Variants in RBFOX1 observed in about 807,000 individuals in gnomAD.
RBFOX1 encodes the protein RNA binding fox-1 homolog 1.
In RBFOX1, 8 loss-of-function variants were observed where a neutral mutation model predicts 57.7. The observed-to-expected ratio is 0.14, with a 90% confidence interval of 0.08 to 0.25. The LOEUF (loss-of-function observed/expected upper bound fraction) is 0.25. Among genes scored for constraint, RBFOX1 ranks in the 10% least tolerant of loss-of-function variants. The pLI is 1.00. For missense variants in RBFOX1, 611 were observed against 548.5 expected (o/e 1.11, Z -1.14); for synonymous variants, 326 against 222.4 (o/e 1.47, Z -4.15).
chr16:7,419,829 G>T (rs1411230699), intron 4 of RBFOX1, among the ~76,000 whole-genome samples: 1 of 151,792 alleles, frequency 6.6e-6, no homozygotes, highest in African/African-American at 2.4e-5. Context: ...GATGCCTAAT[G>T]GAGGCATGTC....
At chr16:7,139,069 G>T (rs1352256271) in intron 4 of RBFOX1, among the ~76,000 whole-genome samples, 2 of 152,116 alleles carry the variant, frequency 1.3e-5, no homozygotes, top group Non-Finnish European at 2.9e-5. Context: ...CTCCCAAAGT[G>T]CTGGGATTAC....
At chr16:7,459,511 C>T (rs373544510) in intron 4 of RBFOX1, among the ~76,000 whole-genome samples, 10 of 152,166 alleles carry the variant, frequency 6.6e-5, no homozygotes, top group African/African-American at 2.4e-4. Context: ...TTTCCTGTTG[C>T]CAGATTAAAG....
chr16:7,508,738 C>G (rs192414772), intron 4 of RBFOX1, among the ~76,000 whole-genome samples: 1 of 152,098 alleles, frequency 6.6e-6, no homozygotes, highest in East Asian at 1.9e-4. Context: ...GCAAAACAGA[C>G]AAGCAGAAAG....
At chr16:5,829,015 A>G (rs2056172609) in intron 3 of RBFOX1, among the ~76,000 whole-genome samples, 1 of 152,140 alleles carries the variant, frequency 6.6e-6, no homozygotes, top group African/African-American at 2.4e-5. Context: ...GGCTGCAGAT[A>G]TCCGAAGACC....
At chr16:6,252,433 A>G (rs1400309088) in intron 1 of RBFOX1, among the ~76,000 whole-genome samples, 1 of 152,194 alleles carries the variant, frequency 6.6e-6, no homozygotes, top group Non-Finnish European at 1.5e-5. Context: ...GCATCTTCCA[A>G]GTTGTTCTTA....
At chr16:7,285,337 C>A (rs750097807) in intron 4 of RBFOX1, among the ~76,000 whole-genome samples, 77 of 151,602 alleles carry the variant, frequency 5.1e-4, no homozygotes, top group Non-Finnish European at 9.3e-4. Context: ...TGGTACAACC[C>A]AGTGATTTTA....
chr16:7,610,263 G>T (rs573721455), intron 10 of RBFOX1, among the ~76,000 whole-genome samples: 2 of 151,696 alleles, frequency 1.3e-5, no homozygotes, highest in East Asian at 3.9e-4. Flanking sequence ...GGGATTACAG[G>T]CGTCCACCAC....
At chr16:7,533,005 G>A (rs558044077) in intron 5 of RBFOX1, among the ~76,000 whole-genome samples, 1 of 152,332 alleles carries the variant, frequency 6.6e-6, no homozygotes, top group Non-Finnish European at 1.5e-5. Flanking sequence ...AAATAAGCTG[G>A]CTTTGATTAA....
chr16:6,183,014 C>G (rs906799521), intron 1 of RBFOX1, among the ~76,000 whole-genome samples: 4 of 151,998 alleles, frequency 2.6e-5, no homozygotes. Flanking sequence ...AATTCACTGA[C>G]AAATGTTTTT....
intron 5 of RBFOX1, among the ~76,000 whole-genome samples, chr16:7,546,083 T>C (rs1180948444): frequency 2.6e-5 from 4 of 151,436 alleles, no homozygotes; most frequent in Non-Finnish European, 5.9e-5. Context: ...TCCCAGCACT[T>C]TGGGGGACAG....
intron 1 of RBFOX1, among the ~76,000 whole-genome samples, chr16:5,401,751 C>G (rs566403697): frequency 2.5e-5 from 3 of 120,110 alleles, no homozygotes; most frequent in African/African-American, 1.1e-4. Flanking sequence ...TTCTCTCTCT[C>G]TCTCCCTGTC....
intron 3 of RBFOX1, among the ~76,000 whole-genome samples, chr16:6,821,223 T>C (rs1326787505): frequency 4.6e-5 from 7 of 152,176 alleles, no homozygotes; most frequent in Non-Finnish European, 1.0e-4. Flanking sequence ...GCCTCTACCC[T>C]TGTAGCTGTT....
intron 3 of RBFOX1, among the ~76,000 whole-genome samples, chr16:7,047,684 G>A (rs898692318): frequency 1.2e-5 from 1 of 82,032 alleles, no homozygotes; most frequent in Non-Finnish European, 2.8e-5. Flanking sequence ...AATATTGTAC[G>A]TTTTGATATT....
intron 1 of RBFOX1, among the ~76,000 whole-genome samples, chr16:5,407,420 G>C (rs1250528913): frequency 6.6e-6 from 1 of 152,152 alleles, no homozygotes; most frequent in African/African-American, 2.4e-5. Flanking sequence ...AAAAACAAGA[G>C]CAGAGGCCCT....
At chr16:5,422,430 G>A (rs1323796445) in intron 1 of RBFOX1, among the ~76,000 whole-genome samples, 3 of 132,060 alleles carry the variant, frequency 2.3e-5, no homozygotes, top group Non-Finnish European at 3.3e-5. Flanking sequence ...AGGAGGGAGA[G>A]GGAGTATGAT....
At chr16:6,186,261 C>T (rs772614893) in intron 1 of RBFOX1, among the ~76,000 whole-genome samples, 5 of 152,058 alleles carry the variant, frequency 3.3e-5, no homozygotes, top group South Asian at 2.1e-4. Context: ...AAGAAATATA[C>T]AACTGATGAC....
At position 6,824,983 on chromosome 16, in the gene RBFOX1, G is replaced by GTTTTTTTTTTTTTTTTTTTTTTTTT. The variant is rs151177772; in HGVS notation, c.-16+170340_-16+170364dup. ...GGATTTCTTTTTTCTTTCTTTCTTG[G>GTTTTTTTTTTTTTTTTTTTTTTTTT]TTTTTTTTTTTTTTTTTTTTTTTTT... On this transcript the variant is annotated intron_variant, in intron 3 of 15. Coordinates refer to ENST00000550418, the MANE Select transcript of RBFOX1 (RefSeq NM_018723.4). 4.9e-4 allele frequency among the ~76,000 whole-genome samples: 18 copies of GTTTTTTTTTTTTTTTTTTTTTTTTT among 36,914 alleles called. 3 individuals are homozygous for GTTTTTTTTTTTTTTTTTTTTTTTTT. The highest frequency in any genetic ancestry group is 1.9e-3 in the Admixed American group (4 of 2,084). 24.2% of individuals were successfully genotyped at this position (36,914 alleles called of 152,430 possible).
Position 6,880,380 on chromosome 16 carries a change from A to G in RBFOX1, c.-15-171677A>G, listed in dbSNP as rs573771447. ...TAGTATTATACTTTCCACTTCAGTC[A>G]CTGCAACCCACCGCCCTGTTGCAGG... On this transcript the variant is annotated intron_variant, in intron 3 of 15. Coordinates refer to ENST00000550418, the MANE Select transcript of RBFOX1 (RefSeq NM_018723.4). Among the ~76,000 whole-genome samples, 5 of 152,162 alleles carry G rather than the reference A, an allele frequency of 3.3e-5. No homozygotes were observed. The East Asian group carries it at 9.7e-4, about 29-fold the overall frequency.
chr16:6,794,665 C>T (rs1187852734), intron 3 of RBFOX1, among the ~76,000 whole-genome samples: 1 of 152,116 alleles, frequency 6.6e-6, no homozygotes, highest in Non-Finnish European at 1.5e-5. Flanking sequence ...CCCTTCCCCC[C>T]ATCACTTATG....
Sources: allele counts gnomAD v4.1 joint callset (sites outside exome capture counted in the v4.1 genomes callset), GRCh38; gene constraint gnomAD v4.1.1; transcripts MANE v1.5; gene names NCBI Gene and HGNC (gene_info 2026-07-23, HGNC 2026-07-21).